The following SGCZ variants were observed in gnomAD, a reference collection of about 807,000 sequenced individuals.
The protein encoded by SGCZ is zeta-sarcoglycan.
Under a neutral mutation model 41.3 loss-of-function variants are expected in SGCZ, and 40 were observed. The observed-to-expected ratio is 0.97, with a 90% CI of 0.75 to 1.26. SGCZ has a LOEUF of 1.26. SGCZ is among the 50% of genes most tolerant of loss of function. The pLI is 0.00. For synonymous variants in SGCZ, 206 were observed against 137.5 expected, an observed-to-expected ratio of 1.50 and a Z score of -3.49; for missense variants, 552 against 369.8, an observed-to-expected ratio of 1.49 and a Z score of -4.04.
intron 1 of SGCZ, among the ~76,000 whole-genome samples, chr8:15,172,152 C>A (rs1321141399): frequency 1.4e-5 from 1 of 70,560 alleles, no homozygotes; most frequent in African/African-American, 5.4e-5. Context: ...CTTTTATACT[C>A]TGTTTTTTTT....
chr8:14,490,552 T>C (rs1280635173), intron 2 of SGCZ, among the ~76,000 whole-genome samples: 1 of 152,216 alleles, frequency 6.6e-6, no homozygotes, highest in Non-Finnish European at 1.5e-5. Flanking sequence ...CTCGTCTCTC[T>C]CTGTTTCATT....
chr8:14,322,241 A>G (rs1185764380), intron 3 of SGCZ, among the ~76,000 whole-genome samples: 1 of 152,122 alleles, frequency 6.6e-6, no homozygotes. Context: ...GTGCCTGCCC[A>G]TGCTTCCTAG....
At chr8:14,615,866 C>T (rs1392357520) in intron 1 of SGCZ, among the ~76,000 whole-genome samples, 1 of 152,162 alleles carries the variant, frequency 6.6e-6, no homozygotes, top group Non-Finnish European at 1.5e-5. Context: ...TCATCCCATT[C>T]AATTCTATCC....
At chr8:14,652,220 A>G (rs1330531080) in intron 1 of SGCZ, among the ~76,000 whole-genome samples, 1 of 151,388 alleles carries the variant, frequency 6.6e-6, no homozygotes, top group East Asian at 1.9e-4. Flanking sequence ...GAATGCATGT[A>G]ATCCCAGCTA....
intron 1 of SGCZ, among the ~76,000 whole-genome samples, chr8:14,582,277 C>T (rs551793272): frequency 5.3e-5 from 8 of 152,016 alleles, no homozygotes; most frequent in African/African-American, 1.4e-4. Flanking sequence ...TTAGTAGTTA[C>T]GTTTGGGGGG....
chr8:14,607,288 T>C (rs565452394), intron 1 of SGCZ, among the ~76,000 whole-genome samples: 1 of 152,212 alleles, frequency 6.6e-6, no homozygotes, highest in Non-Finnish European at 1.5e-5. Flanking sequence ...TGCCAAATTG[T>C]TAATTATCCT....
chr8:15,077,281 G>T (rs1471262206), intron 1 of SGCZ, among the ~76,000 whole-genome samples: 2 of 152,084 alleles, frequency 1.3e-5, no homozygotes, highest in Non-Finnish European at 2.9e-5. Flanking sequence ...AATAAACCAG[G>T]TAAATTGACC....
chr8:15,226,852 T>C (rs972040886), intron 1 of SGCZ, among the ~76,000 whole-genome samples: 3 of 152,170 alleles, frequency 2.0e-5, no homozygotes, highest in African/African-American at 7.2e-5. Flanking sequence ...CTATACAGTG[T>C]GATGGTCTTA....
intron 2 of SGCZ, among the ~76,000 whole-genome samples, chr8:14,483,370 G>A (rs1023957827): frequency 6.6e-6 from 1 of 152,170 alleles, no homozygotes; most frequent in Admixed American, 6.5e-5. Context: ...AGGACTTTGT[G>A]ACCAGCCTGA....
chr8:15,231,088 T>C (rs1189749566), intron 1 of SGCZ, among the ~76,000 whole-genome samples: 9 of 152,198 alleles, frequency 5.9e-5, no homozygotes, highest in Non-Finnish European at 1.5e-5. Flanking sequence ...TTTAGTACTT[T>C]GCATGCTTCT....
At chr8:14,131,136 C>G (rs145391280) in intron 5 of SGCZ, among the ~76,000 whole-genome samples, 1 of 152,150 alleles carries the variant, frequency 6.6e-6, no homozygotes, top group Non-Finnish European at 1.5e-5. Context: ...CCTTGTGTGT[C>G]CACATCCTTG....
At chr8:14,758,546 G>C (rs1218690349) in intron 1 of SGCZ, among the ~76,000 whole-genome samples, 6 of 152,278 alleles carry the variant, frequency 3.9e-5, no homozygotes, top group Middle Eastern at 3.4e-3. Flanking sequence ...ACCGATCAAA[G>C]TGTGAAATTC....
chr8:14,346,446 G>A (rs189679277), intron 2 of SGCZ, among the ~76,000 whole-genome samples: 136 of 152,004 alleles, frequency 8.9e-4, no homozygotes, highest in Non-Finnish European at 1.4e-3. Context: ...ATAATAAAAT[G>A]GTGAAAAAGA....
chr8:14,455,339 A>G (rs1315499402), intron 2 of SGCZ, among the ~76,000 whole-genome samples: 1 of 152,152 alleles, frequency 6.6e-6, no homozygotes, highest in South Asian at 2.1e-4. Context: ...TCTATTTATT[A>G]TATAGGCAAA....
At chr8:14,281,624 C>T (rs13258631) in intron 3 of SGCZ, among the ~76,000 whole-genome samples, 21,410 of 151,802 alleles carry the variant, frequency 0.14, 1,687 homozygotes, top group Admixed American at 0.21. Context: ...GCTATGTAAA[C>T]GGAAATAACA....
At chr8:14,187,792 T>G (rs992694336) in intron 4 of SGCZ, among the ~76,000 whole-genome samples, 2 of 151,986 alleles carry the variant, frequency 1.3e-5, no homozygotes, top group Non-Finnish European at 2.9e-5. Context: ...TGACTAAAAA[T>G]TCCTTAAAGT....
At chr8:14,189,603 G>A (rs569804078) in intron 4 of SGCZ, among the ~76,000 whole-genome samples, 10 of 152,208 alleles carry the variant, frequency 6.6e-5, no homozygotes, top group African/African-American at 2.4e-4. Context: ...ATAATGAGCC[G>A]TCTGCTCAGA....
chr8:14,471,217 T>C (rs1040759734), intron 2 of SGCZ, among the ~76,000 whole-genome samples: 2 of 152,174 alleles, frequency 1.3e-5, no homozygotes, highest in Non-Finnish European at 2.9e-5. Flanking sequence ...TGGTTCAGAA[T>C]ATAGACAATC....
chr8:14,621,433 T>A (rs906868032), intron 1 of SGCZ, among the ~76,000 whole-genome samples: 5 of 149,350 alleles, frequency 3.3e-5, no homozygotes, highest in African/African-American at 1.2e-4. Context: ...ACTTAAAGTA[T>A]AATAAAAAAA....
Sources: allele counts gnomAD v4.1 joint callset (sites outside exome capture counted in the v4.1 genomes callset), GRCh38; gene constraint gnomAD v4.1.1; transcripts MANE v1.5; gene names NCBI Gene and HGNC (gene_info 2026-07-23, HGNC 2026-07-21).